Variants in XKR4 observed in about 807,000 individuals in gnomAD.
The protein encoded by XKR4 is XK-related protein 4.
Under a neutral mutation model 53.9 loss-of-function variants are expected in XKR4, and 12 were observed. The ratio of observed to expected loss-of-function variants is 0.22; its 90% CI spans 0.14 to 0.36. The LOEUF (loss-of-function observed/expected upper bound fraction) is 0.36, where lower values mean the gene tolerates loss of function less well. Among genes scored for constraint, XKR4 ranks in the 10% least tolerant of loss-of-function variants. The pLI is 1.00. For missense variants in XKR4, 799 were observed against 859.5 expected (o/e 0.93, Z 0.88); for synonymous variants, 354 against 362.4 (o/e 0.98, Z 0.26).
intron 1 of XKR4, among the ~76,000 whole-genome samples, chr8:55,155,659 A>G (rs1392259512): frequency 6.6e-6 from 1 of 152,112 alleles, no homozygotes; most frequent in Non-Finnish European, 1.5e-5. Context: ...AAAAAAATCT[A>G]AAGTTCTAAA....
chr8:55,387,730 C>G (rs984713417), intron 2 of XKR4, among the ~76,000 whole-genome samples: 3 of 152,206 alleles, frequency 2.0e-5, no homozygotes, highest in African/African-American at 7.2e-5. Context: ...AGAGGGGAAC[C>G]ACATCCTCTT....
At chr8:55,299,842 C>T (rs941093717) in intron 1 of XKR4, among the ~76,000 whole-genome samples, 1 of 152,028 alleles carries the variant, frequency 6.6e-6, no homozygotes, top group Non-Finnish European at 1.5e-5. Flanking sequence ...ATGGTACATT[C>T]GAGGTCTCTG....
chr8:55,516,926 T>G (rs1340968309), intron 2 of XKR4, among the ~76,000 whole-genome samples: 1 of 152,154 alleles, frequency 6.6e-6, no homozygotes, highest in East Asian at 1.9e-4. Context: ...ATGTACACCA[T>G]GGAAATACCA....
chr8:55,315,933 G>A (rs1024828424), intron 1 of XKR4, among the ~76,000 whole-genome samples: 3 of 152,096 alleles, frequency 2.0e-5, no homozygotes, highest in Admixed American at 2.0e-4. Context: ...AGTGTGATTT[G>A]AGCTAAAGGC....
At chr8:55,477,748 C>T (rs932027685) in intron 2 of XKR4, among the ~76,000 whole-genome samples, 52 of 151,976 alleles carry the variant, frequency 3.4e-4, no homozygotes, top group South Asian at 6.2e-4. Context: ...TCGAGAACTA[C>T]GTGAAGAATG....
At chr8:55,221,239 TATAAG>T (rs1817877022) in intron 1 of XKR4, among the ~76,000 whole-genome samples, 6 of 152,368 alleles carry the variant, frequency 3.9e-5, no homozygotes, top group Admixed American at 3.9e-4. Flanking sequence ...ACAAAAATTA[TATAAG>T]ATAAGCCGAC....
chr8:55,505,433 C>CCCA (rs1806513161), intron 2 of XKR4, among the ~76,000 whole-genome samples: 1 of 152,146 alleles, frequency 6.6e-6, no homozygotes, highest in African/African-American at 2.4e-5. Flanking sequence ...CACCCATAGT[C>CCCA]CCAGCTACCT....
At chr8:55,440,092 G>A (rs1805242638) in intron 2 of XKR4, among the ~76,000 whole-genome samples, 1 of 152,188 alleles carries the variant, frequency 6.6e-6, no homozygotes, top group Admixed American at 6.5e-5. Context: ...TATCTTCAAA[G>A]TGTGGAGAAA....
chr8:55,102,106 C>T lies in XKR4; in HGVS notation c.-383C>T, dbSNP rs1343135444. Among the ~76,000 whole-genome samples, 1 of 151,144 alleles carries T rather than the reference C, an allele frequency of 6.6e-6. No individual in the cohort carries two copies. The highest frequency in any genetic ancestry group is 2.4e-5 in the African/African-American group (1 of 41,206). On this transcript the variant is annotated 5_prime_UTR_variant, in exon 1 of 3. Coordinates refer to ENST00000327381, the MANE Select transcript of XKR4 (RefSeq NM_052898.2). This position sits in a 1 kb window ranked among gnomAD's most constrained non-coding sequence, Gnocchi z 5.1. ...CGCGCGAGGGGAGGAGAGGAATGTGCAGGTCCGAGGAGCGCCGCGGCGGCC... is the reference window on the plus strand; with the variant it reads ...CGCGCGAGGGGAGGAGAGGAATGTGTAGGTCCGAGGAGCGCCGCGGCGGCC...
chr8:55,305,451 A>G (rs72645636), intron 1 of XKR4, among the ~76,000 whole-genome samples: 3 of 152,140 alleles, frequency 2.0e-5, no homozygotes, highest in Non-Finnish European at 2.9e-5. Flanking sequence ...TTACTCCCAA[A>G]TTAGCCTAAA....
intron 2 of XKR4, among the ~76,000 whole-genome samples, chr8:55,367,959 T>G (rs1804016862): frequency 6.6e-6 from 1 of 151,988 alleles, no homozygotes; most frequent in Non-Finnish European, 1.5e-5. Flanking sequence ...TTTGTTTTTG[T>G]TTTTGTTTTT....
At chr8:55,138,140 C>A (rs139102859) in intron 1 of XKR4, among the ~76,000 whole-genome samples, 1 of 152,038 alleles carries the variant, frequency 6.6e-6, no homozygotes, top group Admixed American at 6.6e-5. Flanking sequence ...AGCAAATGTC[C>A]GTTCATGCTC....
At chr8:55,493,195 A>T (rs1806295153) in intron 2 of XKR4, among the ~76,000 whole-genome samples, 1 of 152,234 alleles carries the variant, frequency 6.6e-6, no homozygotes, top group South Asian at 2.1e-4. Flanking sequence ...CTAAAGGAGC[A>T]AAAATTGGGA....
intron 1 of XKR4, among the ~76,000 whole-genome samples, chr8:55,190,746 T>C (rs1162822279): frequency 6.6e-6 from 1 of 152,192 alleles, no homozygotes. Context: ...TGTTGCGTTC[T>C]GGACCAGCAG....
intron 2 of XKR4, among the ~76,000 whole-genome samples, chr8:55,402,799 G>A (rs767595488): frequency 3.3e-5 from 5 of 152,096 alleles, no homozygotes; most frequent in South Asian, 4.1e-4. Flanking sequence ...CAAGGGCCAC[G>A]GGCAGGTTCA....
At chr8:55,480,936 G>T (rs1357103100) in intron 2 of XKR4, among the ~76,000 whole-genome samples, 1 of 152,144 alleles carries the variant, frequency 6.6e-6, no homozygotes. Flanking sequence ...ATGCTCATGG[G>T]TAGGAAGAAT....
chr8:55,289,737 G>GAGAA (rs1818973947), intron 1 of XKR4, among the ~76,000 whole-genome samples: 1 of 137,014 alleles, frequency 7.3e-6, no homozygotes, highest in East Asian at 2.2e-4. Context: ...AAGAAAGAAA[G>GAGAA]AAAGAAAAAG....
At chr8:55,353,362 CA>C (rs1803753486) in intron 1 of XKR4, among the ~76,000 whole-genome samples, 2 of 152,164 alleles carry the variant, frequency 1.3e-5, no homozygotes, top group Non-Finnish European at 2.9e-5. Flanking sequence ...GACACACACA[CA>C]GGGAGAATGC....
At chr8:55,377,380 G>A (rs1459378822) in intron 2 of XKR4, among the ~76,000 whole-genome samples, 2 of 152,200 alleles carry the variant, frequency 1.3e-5, no homozygotes, top group Non-Finnish European at 2.9e-5. Flanking sequence ...AGGTACCCAA[G>A]AAGTATCTTT....
Sources: gnomAD v4.1 joint callset for allele counts (sites outside exome capture counted in the v4.1 genomes callset) on GRCh38, gnomAD v4.1.1 for gene constraint, Gnocchi (gnomAD v3.1) non-coding constraint, MANE v1.5 for transcripts, NCBI Gene and HGNC (gene_info 2026-07-23, HGNC 2026-07-21) for gene names.